The following SLC24A3 variants were observed in gnomAD, a reference collection of about 807,000 sequenced individuals.
SLC24A3 encodes sodium/potassium/calcium exchanger 3.
Under a neutral mutation model 75.8 loss-of-function variants are expected in SLC24A3, and 28 were observed. The ratio of observed to expected loss-of-function variants is 0.37; its 90% CI spans 0.27 to 0.51. The LOEUF is 0.51. SLC24A3 is among the 20% of genes least tolerant of loss of function. The pLI is 0.94. For synonymous variants in SLC24A3, 372 were observed against 334.1 expected (o/e 1.11, Z -1.24); for missense variants, 663 against 847.8 (o/e 0.78, Z 2.71).
rs367620277 is a variant in SLC24A3, at chr20:19,645,850, T to C, written c.613-8212T>C. Among the ~76,000 whole-genome samples the C allele has an allele frequency of 2.0e-5, 3 of 152,250 alleles. No homozygotes were observed. The East Asian group carries it at 5.8e-4, about 29-fold the overall frequency. On this transcript the variant is annotated intron_variant, in intron 6 of 16. Coordinates refer to ENST00000328041, the MANE Select transcript of SLC24A3 (RefSeq NM_020689.4). ...AGATGGATTGCTTGAGCCCAGGAGT[T>C]CCAGATCAGCCTGGGCAACATGCAA...
intron 6 of SLC24A3, among the ~76,000 whole-genome samples, chr20:19,644,046 A>G (rs1370259789): frequency 6.6e-6 from 1 of 152,158 alleles, no homozygotes; most frequent in Non-Finnish European, 1.5e-5. Context: ...CCATTATACA[A>G]AAGGGTGATT....
At chr20:19,587,946 T>A (rs921507360) in intron 6 of SLC24A3, among the ~76,000 whole-genome samples, 2 of 152,136 alleles carry the variant, frequency 1.3e-5, no homozygotes, top group African/African-American at 4.8e-5. Flanking sequence ...GTCACTGTGA[T>A]AATTTGACCA....
intron 6 of SLC24A3, among the ~76,000 whole-genome samples, chr20:19,624,125 T>C (rs534362445): frequency 5.3e-5 from 8 of 152,342 alleles, no homozygotes; most frequent in Admixed American, 3.3e-4. Flanking sequence ...TTTGTCTGGG[T>C]ACTTCTAAGC....
intron 2 of SLC24A3, among the ~76,000 whole-genome samples, chr20:19,336,766 C>T (rs961874329): frequency 3.3e-5 from 5 of 150,082 alleles, no homozygotes; most frequent in African/African-American, 9.8e-5. Context: ...CCACTCCTTC[C>T]TGTTGGCACA....
chr20:19,697,819 C>A (rs758320970), intron 14 of SLC24A3, among the ~76,000 whole-genome samples: 1 of 152,108 alleles, frequency 6.6e-6, no homozygotes, highest in Non-Finnish European at 1.5e-5. Context: ...GGTGTGAGCT[C>A]GGGAGTCACT....
At chr20:19,531,371 T>C (rs1321262479) in intron 3 of SLC24A3, among the ~76,000 whole-genome samples, 1 of 152,198 alleles carries the variant, frequency 6.6e-6, no homozygotes, top group Non-Finnish European at 1.5e-5. Context: ...AAAAGAAACA[T>C]GGCATGTGGA....
chr20:19,574,569 A>G (rs1362673321), intron 3 of SLC24A3, among the ~76,000 whole-genome samples: 2 of 152,222 alleles, frequency 1.3e-5, no homozygotes, highest in Non-Finnish European at 2.9e-5. Flanking sequence ...AGCCTTAGCC[A>G]GGACAACTGA....
chr20:19,367,315 C>T (rs955863025), intron 2 of SLC24A3, among the ~76,000 whole-genome samples: 23 of 152,128 alleles, frequency 1.5e-4, no homozygotes, highest in African/African-American at 5.6e-4. Context: ...GAGTTCCTTA[C>T]CAGTTTTAAA....
At chr20:19,703,410 C>A (rs2032895672) in intron 15 of SLC24A3, among the ~76,000 whole-genome samples, 1 of 152,184 alleles carries the variant, frequency 6.6e-6, no homozygotes, top group South Asian at 2.1e-4. Flanking sequence ...CACACTGCAC[C>A]AGTATCCATC....
rs1431493103 is a variant in SLC24A3, at chr20:19,281,148, G to A, written c.271+61G>A. On this transcript the variant is annotated intron_variant, in intron 2 of 16. Transcript: ENST00000328041. ...ATTTTCTCTGGCTATGGCTGAGGAA[G>A]AGCCAGCTGCTGTGTGTTTTCTTAG... The A allele has an allele frequency of 5.6e-6, 9 of 1,594,032 alleles. No homozygotes were observed. In the East Asian group the frequency reaches 1.6e-4, roughly 28 times the overall value.
chr20:19,594,643 G>A (rs1371381383), intron 6 of SLC24A3, among the ~76,000 whole-genome samples: 1 of 152,220 alleles, frequency 6.6e-6, no homozygotes, highest in Admixed American at 6.5e-5. Context: ...GCTTCGAGAT[G>A]TTAAATACTC....
At position 19,685,266 on chromosome 20, in the gene SLC24A3, A is replaced by G; in HGVS notation, c.1229A>G (p.Glu410Gly). 6.2e-7 allele frequency: 1 copy of G among 1,614,142 alleles called. No individual in the cohort carries two copies. Among genetic ancestry groups the G allele is most frequent in the Non-Finnish European group, 8.5e-7 (1 of 1,180,038 alleles). ...RDDVVAEAGN[E>G]TENENEDNEN... ...GATGTTGTGGCTGAGGCTGGCAACG[A>G]AACAGAGAATGAAAATGAGGACAAT... Residue 410 changes from glutamate (E) to glycine (G), a missense_variant, in exon 12 of 17, where the codon GAA becomes GGA. Glu to Gly is a moderately conservative substitution (Grantham distance 98). Coordinates refer to ENST00000328041, the MANE Select transcript of SLC24A3 (RefSeq NM_020689.4).
chr20:19,539,732 C>A (rs748011149), intron 3 of SLC24A3, among the ~76,000 whole-genome samples: 3 of 152,122 alleles, frequency 2.0e-5, no homozygotes, highest in Non-Finnish European at 4.4e-5. Flanking sequence ...GACACAGGGA[C>A]CTTCAGAAAT....
intron 2 of SLC24A3, among the ~76,000 whole-genome samples, chr20:19,410,854 A>T (rs946013317): frequency 6.6e-6 from 1 of 152,230 alleles, no homozygotes; most frequent in South Asian, 2.1e-4. Context: ...GAAAGGCACC[A>T]TCTTTAAAAT....
At chr20:19,425,274 G>C (rs1040863650) in intron 2 of SLC24A3, among the ~76,000 whole-genome samples, 1 of 151,154 alleles carries the variant, frequency 6.6e-6, no homozygotes, top group African/African-American at 2.4e-5. Flanking sequence ...CTGCACTCCA[G>C]CCTAGGTGAC....
intron 2 of SLC24A3, among the ~76,000 whole-genome samples, chr20:19,468,170 T>C (rs747199074): frequency 6.6e-6 from 1 of 152,114 alleles, no homozygotes; most frequent in Non-Finnish European, 1.5e-5. Flanking sequence ...CAATTTTGTC[T>C]TTGAAAACTA....
At chr20:19,483,579 A>G (rs917378418) in intron 2 of SLC24A3, among the ~76,000 whole-genome samples, 1 of 152,204 alleles carries the variant, frequency 6.6e-6, no homozygotes, top group East Asian at 1.9e-4. Flanking sequence ...CCTGAGGTTT[A>G]CTGACATTCC....
intron 2 of SLC24A3, among the ~76,000 whole-genome samples, chr20:19,378,643 C>G (rs1468100848): frequency 6.6e-6 from 1 of 152,074 alleles, no homozygotes; most frequent in Non-Finnish European, 1.5e-5. Context: ...CTTTACCTTC[C>G]ACCCAAGATG....
rs1568616371 is a variant in SLC24A3 at position 19,432,271 on chromosome 20, T to TA, written c.272-83217_272-83216insA. 1.4e-4 allele frequency among the ~76,000 whole-genome samples: 14 copies of TA among 103,496 alleles called. No individual in the cohort carries two copies. In the East Asian group the frequency reaches 5.5e-3, roughly 40 times the overall value. 67.9% of individuals were successfully genotyped at this position (103,496 alleles called of 152,430 possible). ...ATCAAACAGATTTATATATATCTGT[T>TA]TTATATATATATATATATATAAGAT... On this transcript the variant is annotated intron_variant, in intron 2 of 16. Coordinates refer to ENST00000328041, the MANE Select transcript of SLC24A3 (RefSeq NM_020689.4).
Sources: allele counts gnomAD v4.1 joint callset (sites outside exome capture counted in the v4.1 genomes callset), GRCh38; gene constraint gnomAD v4.1.1; transcripts MANE v1.5; gene names NCBI Gene and HGNC (gene_info 2026-07-23, HGNC 2026-07-21).